LYPD6B: variants seen among roughly 807,000 people sequenced by gnomAD.
The protein encoded by LYPD6B is ly6/PLAUR domain-containing protein 6B.
In LYPD6B, 17 loss-of-function variants were observed where a neutral mutation model predicts 22.8. The observed-to-expected ratio is 0.75, with a 90% CI of 0.51 to 1.12. The LOEUF (loss-of-function observed/expected upper bound fraction) is 1.12. Among genes scored for constraint, LYPD6B ranks in the 50% most tolerant of loss-of-function variants. The pLI is 0.00. For missense variants in LYPD6B, 221 were observed against 258.3 expected, an observed-to-expected ratio of 0.86 and a Z score of 0.99; for synonymous variants, 106 against 91.6, an observed-to-expected ratio of 1.16 and a Z score of -0.90.
chr2:149,121,452 A>C (rs952021283), intron 1 of LYPD6B, among the ~76,000 whole-genome samples: 1 of 152,186 alleles, frequency 6.6e-6, no homozygotes, highest in Non-Finnish European at 1.5e-5. Flanking sequence ...TGACTGACCA[A>C]ATCTGATGAT....
chr2:149,057,373 C>A (rs1434699670), intron 1 of LYPD6B, among the ~76,000 whole-genome samples: 9 of 150,146 alleles, frequency 6.0e-5, no homozygotes, highest in African/African-American at 2.2e-4. Flanking sequence ...AGTCTCCCAC[C>A]CTGACCCTGC....
chr2:149,110,649 A>G (rs955505251), intron 1 of LYPD6B, among the ~76,000 whole-genome samples: 1 of 152,202 alleles, frequency 6.6e-6, no homozygotes, highest in African/African-American at 2.4e-5. Flanking sequence ...CTTACTTATT[A>G]TGTAATTCCA....
intron 3 of LYPD6B, among the ~76,000 whole-genome samples, chr2:149,193,717 A>AC (rs1692636620): frequency 6.6e-6 from 1 of 152,120 alleles, no homozygotes; most frequent in Non-Finnish European, 1.5e-5. Flanking sequence ...TTAAGTGAGA[A>AC]GCCTTTTGTC....
At chr2:149,158,580 G>A (rs1026239839) in intron 2 of LYPD6B, among the ~76,000 whole-genome samples, 30 of 152,164 alleles carry the variant, frequency 2.0e-4, no homozygotes, top group African/African-American at 6.0e-4. Flanking sequence ...CGACAAAAAA[G>A]TTATGGGAAT....
At chr2:149,041,361 G>A (rs951270375) in intron 1 of LYPD6B, among the ~76,000 whole-genome samples, 3 of 152,128 alleles carry the variant, frequency 2.0e-5, no homozygotes, top group Admixed American at 6.5e-5. Context: ...AAAGAAGGCC[G>A]GGGCTTGCTG....
chr2:149,175,858 CA>C (rs1437230566), intron 3 of LYPD6B, among the ~76,000 whole-genome samples: 1 of 151,358 alleles, frequency 6.6e-6, no homozygotes, highest in Non-Finnish European at 1.5e-5. Context: ...GGAAGGTCTT[CA>C]GGGGCAATAA....
chr2:149,151,363 C>T (rs1689363795), intron 2 of LYPD6B, among the ~76,000 whole-genome samples: 1 of 152,154 alleles, frequency 6.6e-6, no homozygotes, highest in African/African-American at 2.4e-5. Flanking sequence ...CAGACTGTGG[C>T]TGAATCTCCC....
chr2:149,191,266 TAAC>T (rs1412034693), intron 3 of LYPD6B, among the ~76,000 whole-genome samples: 10 of 152,194 alleles, frequency 6.6e-5, no homozygotes, highest in Admixed American at 6.5e-5. Context: ...ACAATTAAGA[TAAC>T]AACAATTCTT....
At chr2:149,069,353 G>A (rs918962541) in intron 1 of LYPD6B, among the ~76,000 whole-genome samples, 10 of 152,030 alleles carry the variant, frequency 6.6e-5, no homozygotes, top group Non-Finnish European at 1.3e-4. Flanking sequence ...TTGCCTTGGC[G>A]ACATAGACTG....
chr2:149,096,733 T>A (rs1685918255), intron 1 of LYPD6B, among the ~76,000 whole-genome samples: 1 of 152,208 alleles, frequency 6.6e-6, no homozygotes, highest in East Asian at 1.9e-4. Flanking sequence ...GCTTACTTTC[T>A]GCAGGTGGGA....
At chr2:149,051,304 A>G (rs1683543494) in intron 1 of LYPD6B, among the ~76,000 whole-genome samples, 1 of 151,928 alleles carries the variant, frequency 6.6e-6, no homozygotes, top group Non-Finnish European at 1.5e-5. Context: ...AGCTGGGACT[A>G]CAGGCACCTG....
chr2:149,142,844 T>C (rs1688777186), intron 2 of LYPD6B, among the ~76,000 whole-genome samples: 1 of 152,186 alleles, frequency 6.6e-6, no homozygotes, highest in African/African-American at 2.4e-5. Flanking sequence ...ATCGACTTTT[T>C]CCTTCTTCAC....
At chr2:149,111,022 C>T (rs1056732367) in intron 1 of LYPD6B, among the ~76,000 whole-genome samples, 14 of 151,938 alleles carry the variant, frequency 9.2e-5, no homozygotes, top group African/African-American at 2.4e-4. Flanking sequence ...AGGTAAATGA[C>T]GAAGTGCTGA....
At chr2:149,156,324 A>G (rs1027868022) in intron 2 of LYPD6B, among the ~76,000 whole-genome samples, 6 of 152,166 alleles carry the variant, frequency 3.9e-5, no homozygotes, top group African/African-American at 1.4e-4. Flanking sequence ...GGAATGAATG[A>G]CAGTGAGGTC....
At chr2:149,082,243 AAG>A (rs922609346) in intron 1 of LYPD6B, among the ~76,000 whole-genome samples, 7 of 152,200 alleles carry the variant, frequency 4.6e-5, no homozygotes, top group Non-Finnish European at 8.8e-5. Context: ...TTAATGTGAA[AAG>A]AGAGATATGA....
chr2:149,094,030 A>T (rs779781035), intron 1 of LYPD6B, among the ~76,000 whole-genome samples: 1 of 152,122 alleles, frequency 6.6e-6, no homozygotes, highest in Non-Finnish European at 1.5e-5. Flanking sequence ...GATATTATGG[A>T]ATGGATAGAA....
At position 149,214,860 on chromosome 2, in the gene LYPD6B, A is replaced by G; in HGVS notation, c.*150A>G. 1 of 838,310 alleles carries G rather than the reference A, an allele frequency of 1.2e-6. No individual in the cohort carries two copies. The highest frequency in any genetic ancestry group is 2.5e-5 in the East Asian group (1 of 40,766). 51.9% of individuals were successfully genotyped at this position (838,310 alleles called of 1,614,324 possible). On this transcript the variant is annotated 3_prime_UTR_variant, in exon 7 of 7. Coordinates refer to ENST00000409642, the MANE Select transcript of LYPD6B (RefSeq NM_177964.5). Reference sequence around the variant, plus strand: ...GCGAAAGCCAGTGGTTTGCTTGGATAAAATGTTCCCGCATGAGGCCACAGG... The same window carrying G: ...GCGAAAGCCAGTGGTTTGCTTGGATGAAATGTTCCCGCATGAGGCCACAGG...
At chr2:149,177,493 A>G (rs1297514632) in intron 3 of LYPD6B, among the ~76,000 whole-genome samples, 1 of 152,168 alleles carries the variant, frequency 6.6e-6, no homozygotes, top group Non-Finnish European at 1.5e-5. Flanking sequence ...AGCCAGTAGC[A>G]TTGCTCTTTG....
At chr2:149,087,529 G>T (rs972709230) in intron 1 of LYPD6B, among the ~76,000 whole-genome samples, 1 of 151,950 alleles carries the variant, frequency 6.6e-6, no homozygotes, top group Non-Finnish European at 1.5e-5. Context: ...TTATGTCGCC[G>T]CACTCTAGCC....
Sources: allele counts gnomAD v4.1 joint callset (sites outside exome capture counted in the v4.1 genomes callset), GRCh38; gene constraint gnomAD v4.1.1; transcripts MANE v1.5; gene names NCBI Gene and HGNC (gene_info 2026-07-23, HGNC 2026-07-21).